The following KIAA1549L variants were observed in gnomAD, a reference collection of about 807,000 sequenced individuals.
KIAA1549L encodes the protein KIAA1549 like.
Under a neutral mutation model 160.7 loss-of-function variants are expected in KIAA1549L, and 88 were observed. That is an observed-to-expected ratio of 0.55 (90% CI 0.46 to 0.65). The LOEUF is 0.65. KIAA1549L is among the 30% of genes least tolerant of loss of function. KIAA1549L has a pLI of 0.00. For synonymous variants in KIAA1549L, 950 were observed against 976.7 expected (o/e 0.97, Z 0.51); for missense variants, 2,258 against 2,437.5 (o/e 0.93, Z 1.55).
intron 1 of KIAA1549L, among the ~76,000 whole-genome samples, chr11:33,489,692 AC>A (rs1176154469): frequency 2.0e-5 from 3 of 152,188 alleles, no homozygotes; most frequent in Non-Finnish European, 4.4e-5. Context: ...GGCGGGTCAC[AC>A]AGGAAGTTTT....
rs78352913 is a variant in KIAA1549L at position 33,582,257 on chromosome 11, A to G, written c.4403-1081A>G. On this transcript the variant is annotated intron_variant, in intron 10 of 20. Coordinates refer to ENST00000658780, the MANE Select transcript of KIAA1549L (RefSeq NM_012194.3). ...TTCTGAGCCTAAGGGCAGCCAAATG[A>G]GAGGTAGATCTTGGCTAATGAGGAA... Among the ~76,000 whole-genome samples the G allele has an allele frequency of 6.1e-3, 927 of 152,324 alleles. 5 individuals carry two copies. Among genetic ancestry groups the G allele is most frequent in the Middle Eastern group, 0.014 (4 of 294 alleles).
chr11:33,566,089 A>G (rs1855039064), intron 8 of KIAA1549L, among the ~76,000 whole-genome samples: 1 of 152,174 alleles, frequency 6.6e-6, no homozygotes, highest in Admixed American at 6.5e-5. Flanking sequence ...TAAGTGTGCA[A>G]TCCAGTGGGA....
intron 13 of KIAA1549L, among the ~76,000 whole-genome samples, chr11:33,600,172 C>A (rs1327289690): frequency 2.0e-5 from 3 of 152,106 alleles, no homozygotes; most frequent in Non-Finnish European, 4.4e-5. Flanking sequence ...TTTTGTCTTT[C>A]CCTGAATTCT....
rs1851809012 is a variant in KIAA1549L at position 33,455,740 on chromosome 11, G to C, written c.238+78851G>C. Among the ~76,000 whole-genome samples, 5 of 152,166 alleles carry C rather than the reference G, an allele frequency of 3.3e-5. No individual in the cohort carries two copies. In the South Asian group the frequency reaches 1.0e-3, roughly 32 times the overall value. On this transcript the variant is annotated intron_variant, in intron 1 of 20. Coordinates refer to ENST00000658780, the MANE Select transcript of KIAA1549L (RefSeq NM_012194.3). ...CCTAAATACACAGAAGATTCTAGAA[G>C]ATGACAGAGGTCACAAGGCTATTGG...
chr11:33,618,506 T>A (rs766019666), intron 15 of KIAA1549L, 27 bp from the exon 16 acceptor site: 1 of 1,588,926 alleles, frequency 6.3e-7, no homozygotes, highest in East Asian at 2.3e-5. Context: ...ATTTGCTGCA[T>A]CATAACAGTT....
intron 1 of KIAA1549L, among the ~76,000 whole-genome samples, chr11:33,467,994 A>G (rs978270492): frequency 2.0e-5 from 3 of 152,228 alleles, no homozygotes; most frequent in Non-Finnish European, 4.4e-5. Context: ...CCCTGCATGT[A>G]TCTACAGCCT....
chr11:33,427,737 T>C (rs1851148656), intron 1 of KIAA1549L, among the ~76,000 whole-genome samples: 1 of 152,230 alleles, frequency 6.6e-6, no homozygotes, highest in South Asian at 2.1e-4. Flanking sequence ...CTGAAACCTT[T>C]TCATTATTCT....
At chr11:33,659,799 G>A in intron 19 of KIAA1549L, among the ~76,000 whole-genome samples, 1 of 152,228 alleles carries the variant, frequency 6.6e-6, no homozygotes. Context: ...GTTGGGATGG[G>A]GATGGGGGAG....
At chr11:33,486,437 A>G (rs962411582) in intron 1 of KIAA1549L, among the ~76,000 whole-genome samples, 1 of 152,172 alleles carries the variant, frequency 6.6e-6, no homozygotes, top group East Asian at 1.9e-4. Context: ...AGACATTTGT[A>G]TGTTTTTTAT....
At chr11:33,596,599 C>T (rs372661978) in intron 12 of KIAA1549L, among the ~76,000 whole-genome samples, 1 of 152,120 alleles carries the variant, frequency 6.6e-6, no homozygotes, top group Non-Finnish European at 1.5e-5. Context: ...ATTAGCCTGG[C>T]ATGGCGGCGG....
intron 17 of KIAA1549L, among the ~76,000 whole-genome samples, chr11:33,649,368 G>T (rs1006862343): frequency 7.5e-6 from 1 of 134,194 alleles, no homozygotes; most frequent in Non-Finnish European, 1.6e-5. Flanking sequence ...AAAAAAAATT[G>T]GCTGGGCCTG....
At chr11:33,538,236 C>T (rs1356689647) in intron 1 of KIAA1549L, among the ~76,000 whole-genome samples, 1 of 152,196 alleles carries the variant, frequency 6.6e-6, no homozygotes, top group African/African-American at 2.4e-5. Context: ...GATTCAATAA[C>T]CTCGACCTGG....
In KIAA1549L at chr11:33,521,680, A is replaced by G. The variant is rs972563045; in HGVS notation, c.239-20122A>G. Among the ~76,000 whole-genome samples the G allele has an allele frequency of 3.9e-5, 6 of 152,158 alleles. No individual in the cohort carries two copies. The South Asian group carries it at 1.0e-3, about 26-fold the overall frequency. On this transcript the variant is annotated intron_variant, in intron 1 of 20. Transcript: ENST00000658780. ...CTCCTCCCAGACTCTAGCAAATGAT[A>G]TATGTCTCTCTTAGGCCTCTCTTAG...
intron 8 of KIAA1549L, among the ~76,000 whole-genome samples, chr11:33,564,240 G>A (rs923063509): frequency 6.6e-6 from 1 of 152,184 alleles, no homozygotes; most frequent in Non-Finnish European, 1.5e-5. Flanking sequence ...TTTACCAAAA[G>A]GGTAGAGGAT....
At chr11:33,567,243 A>G (rs1319673868) in intron 8 of KIAA1549L, among the ~76,000 whole-genome samples, 1 of 152,226 alleles carries the variant, frequency 6.6e-6, no homozygotes, top group East Asian at 1.9e-4. Flanking sequence ...CCTTCCTCAC[A>G]GCAGGCAGTG....
chr11:33,514,679 G>A (rs1853304334), intron 1 of KIAA1549L, among the ~76,000 whole-genome samples: 1 of 152,170 alleles, frequency 6.6e-6, no homozygotes, highest in East Asian at 1.9e-4. Flanking sequence ...TCAAAGTCAT[G>A]CTCAGGAGAC....
intron 4 of KIAA1549L, among the ~76,000 whole-genome samples, 166 bp downstream of exon 4, chr11:33,548,045 AG>A: frequency 6.6e-6 from 1 of 152,272 alleles, no homozygotes; most frequent in South Asian, 2.1e-4. Flanking sequence ...CTTGAGAAAA[AG>A]GTCAAATTTT....
At position 33,591,356 on chromosome 11, in the gene KIAA1549L, G is replaced by C. The variant is rs534428279; in HGVS notation, c.4686G>C (p.Gln1562His). ...VLPLPIRDAP[Q>H]ERDVAQDGST... ...CACTGCCCATTAGAGATGCTCCTCA[G>C]GAAAGAGACGTCGCTCAGGATGGAA... The change falls in exon 12 of 21, where the codon CAG (glutamine) becomes CAC (histidine). Residue 1562 changes from glutamine to histidine, a missense_variant. Coordinates refer to ENST00000658780, the MANE Select transcript of KIAA1549L (RefSeq NM_012194.3). The C allele has an allele frequency of 2.1e-5, 34 of 1,613,650 alleles. No individual in the cohort carries two copies. The African/African-American group carries it at 4.1e-4, about 20-fold the overall frequency.
intron 1 of KIAA1549L, among the ~76,000 whole-genome samples, chr11:33,503,423 G>A (rs750043153): frequency 5.1e-4 from 78 of 152,164 alleles, no homozygotes; most frequent in Non-Finnish European, 9.4e-4. Flanking sequence ...GTGAACATGT[G>A]TAGTCATTTC....
Sources: allele counts gnomAD v4.1 joint callset (sites outside exome capture counted in the v4.1 genomes callset), GRCh38; gene constraint gnomAD v4.1.1; transcripts MANE v1.5; gene names NCBI Gene and HGNC (gene_info 2026-07-23, HGNC 2026-07-21).